The following PLXNA4 variants were observed in gnomAD, a reference collection of about 807,000 sequenced individuals.
PLXNA4 encodes the protein plexin-A4.
Under a neutral mutation model 191.8 loss-of-function variants are expected in PLXNA4, and 44 were observed. That is an observed-to-expected ratio of 0.23 (90% confidence interval 0.18 to 0.29). PLXNA4 has a LOEUF of 0.29. PLXNA4 is among the 10% of genes least tolerant of loss of function. PLXNA4 has a pLI of 1.00. For synonymous variants in PLXNA4, 1,082 were observed against 1,009.5 expected (o/e 1.07, Z -1.36); for missense variants, 1,800 against 2,488.8 (o/e 0.72, Z 5.89).
chr7:132,576,687 A>C, upstream of PLXNA4: 1 of 747,606 alleles, frequency 1.3e-6, no homozygotes, highest in Non-Finnish European at 1.6e-6. This position sits in a 1 kb window ranked among gnomAD's most constrained non-coding sequence, Gnocchi z 5.8. Flanking sequence ...TGTCCAACAA[A>C]AAGGTCGGAA....
intron 3 of PLXNA4, among the ~76,000 whole-genome samples, chr7:132,318,166 G>T (rs893037125): frequency 2.0e-5 from 3 of 152,178 alleles, no homozygotes; most frequent in Non-Finnish European, 4.4e-5. Flanking sequence ...GGAGAGGGCA[G>T]GGGTAGCATC....
intron 29 of PLXNA4, 105 bp downstream of exon 29, chr7:132,145,014 G>T: frequency 6.5e-7 from 1 of 1,534,352 alleles, no homozygotes. Flanking sequence ...ATGAAAACAG[G>T]CTCTGGCCAG....
At position 132,158,149 on chromosome 7, in the gene PLXNA4, C is replaced by T. The variant is rs185917602; in HGVS notation, c.4660+1324G>A. 2.6e-5 allele frequency among the ~76,000 whole-genome samples: 4 copies of T among 152,268 alleles called. 1 individual carries two copies. Among genetic ancestry groups the T allele is most frequent in the Admixed American group, 2.6e-4 (4 of 15,294 alleles). On this transcript the variant is annotated intron_variant, in intron 25 of 31. Transcript: ENST00000321063. ...AGAGCACAGGGCCAAACACCTTCAG[C>T]CAAGAGCCAAGAGAGAGGAAATGGG...
In PLXNA4 at chr7:132,298,139, C is replaced by T. The variant is rs752011100; in HGVS notation, c.1455G>A (p.Met485Ile). The T allele has an allele frequency of 6.2e-7, 1 of 1,614,196 alleles. No individual in the cohort carries two copies. Among genetic ancestry groups the T allele is most frequent in the Non-Finnish European group, 8.5e-7 (1 of 1,180,030 alleles). The change falls in exon 4 of 32, where the codon ATG becomes ATA. Residue 485 changes from methionine (M) to isoleucine (I), a missense_variant. Around this residue, in one of 6 missense-constraint regions of PLXNA4, gnomAD observed 1,397 missense variants for 1,880.4 expected, o/e 0.74. Transcript: ENST00000321063. Reference protein sequence around the residue: ...VVDPGPVLRDMAFSKDHEQLY... With the variant: ...VVDPGPVLRDIAFSKDHEQLY... ...GTTGCTCGTGGTCCTTGGAGAAGGCCATATCCCGGAGGACTGGGCCGGGGT... is the reference window on the plus strand; with the variant it reads ...GTTGCTCGTGGTCCTTGGAGAAGGCTATATCCCGGAGGACTGGGCCGGGGT...
rs148489113 is a variant in PLXNA4, at chr7:132,637,224, C to T, written c.-87+8704G>A. Among the ~76,000 whole-genome samples the T allele has an allele frequency of 1.7e-3, 257 of 152,302 alleles. 1 individual carries two copies. Among genetic ancestry groups the T allele is most frequent in the Non-Finnish European group, 2.9e-3 (196 of 68,038 alleles). ...TCAGACCAGGACCACAATTTGTATGCACAATCCTTCCCCCTTTCCGTGGCT... is the reference window on the plus strand; with the variant it reads ...TCAGACCAGGACCACAATTTGTATGTACAATCCTTCCCCCTTTCCGTGGCT... On this transcript the variant is annotated intron_variant, in intron 2 of 4. Coordinates refer to the PLXNA4 transcript ENST00000378539.
At chr7:132,492,069 G>T (rs980132816) in intron 2 of PLXNA4, among the ~76,000 whole-genome samples, 9 of 152,188 alleles carry the variant, frequency 5.9e-5, no homozygotes, top group African/African-American at 2.2e-4. Context: ...AAACTGTGCT[G>T]CAGGGACCTC....
At chr7:132,132,443 T>C (rs62469691) in intron 31 of PLXNA4, among the ~76,000 whole-genome samples, 8,929 of 75,398 alleles carry the variant, frequency 0.12, 859 homozygotes, top group Admixed American at 0.19. Context: ...TTCTGTTCTG[T>C]TCTGTTCTGT....
At chr7:132,426,829 A>T (rs1795063862) in intron 3 of PLXNA4, among the ~76,000 whole-genome samples, 1 of 152,160 alleles carries the variant, frequency 6.6e-6, no homozygotes, top group Non-Finnish European at 1.5e-5. Flanking sequence ...ATAAATTCAC[A>T]TGTCGTCTCA....
chr7:132,412,020 G>T (rs953420054), intron 3 of PLXNA4, among the ~76,000 whole-genome samples: 1 of 152,010 alleles, frequency 6.6e-6, no homozygotes, highest in African/African-American at 2.4e-5. Context: ...GCCCTCAAAG[G>T]TGCCGAGTTT....
intron 3 of PLXNA4, among the ~76,000 whole-genome samples, chr7:132,429,536 A>G (rs1795182868): frequency 6.6e-6 from 1 of 152,238 alleles, no homozygotes; most frequent in African/African-American, 2.4e-5. Context: ...CTGTATTTGC[A>G]GACACTGTAA....
intron 3 of PLXNA4, among the ~76,000 whole-genome samples, chr7:132,395,912 T>C (rs1793737481): frequency 6.6e-6 from 1 of 152,136 alleles, no homozygotes; most frequent in Admixed American, 6.5e-5. Flanking sequence ...GCTTTCACTG[T>C]TTGGGGGTAT....
chr7:132,162,784 C>T (rs904539977), intron 24 of PLXNA4, among the ~76,000 whole-genome samples: 3 of 152,082 alleles, frequency 2.0e-5, no homozygotes, highest in Non-Finnish European at 2.9e-5. Context: ...TCTGTTCAGA[C>T]GTCTACTGGG....
chr7:132,351,835 CCA>C (rs1803500978), intron 3 of PLXNA4, among the ~76,000 whole-genome samples: 1 of 151,968 alleles, frequency 6.6e-6, no homozygotes, highest in Non-Finnish European at 1.5e-5. Flanking sequence ...CTTGGTCATT[CCA>C]CAGAGTTCCA....
At chr7:132,311,828 T>C (rs1801754885) in intron 3 of PLXNA4, among the ~76,000 whole-genome samples, 1 of 152,128 alleles carries the variant, frequency 6.6e-6, no homozygotes, top group Admixed American at 6.5e-5. Flanking sequence ...AGAAAATCTG[T>C]TCCCAAAGAG....
At chr7:132,399,214 G>C (rs917419680) in intron 3 of PLXNA4, among the ~76,000 whole-genome samples, 1 of 152,094 alleles carries the variant, frequency 6.6e-6, no homozygotes, top group Non-Finnish European at 1.5e-5. Context: ...TGGGCGCAAG[G>C]GCTCAGCATC....
intron 3 of PLXNA4, among the ~76,000 whole-genome samples, chr7:132,422,476 G>C (rs1393245919): frequency 6.6e-6 from 1 of 152,206 alleles, no homozygotes; most frequent in African/African-American, 2.4e-5. Flanking sequence ...AAGTACGGCT[G>C]CCGACTTCCA....
In PLXNA4 at chr7:132,189,000, G is replaced by A. The variant is rs199740551; in HGVS notation, c.2857-1393C>T. ...AAAGGAAAGGAAAGGAAAGGAGAGA[G>A]AGAGAGAGAGAGAGAGAGAGAGAGA... On this transcript the variant is annotated intron_variant, in intron 14 of 31. Coordinates refer to ENST00000321063, the MANE Select transcript of PLXNA4 (RefSeq NM_020911.2). 6.4e-3 allele frequency among the ~76,000 whole-genome samples: 94 copies of A among 14,736 alleles called. 8 individuals carry two copies. The highest frequency in any genetic ancestry group is 0.019 in the African/African-American group (55 of 2,852). 9.7% of individuals were successfully genotyped at this position (14,736 alleles called of 152,430 possible). A position where few individuals can be genotyped will look rare whatever the true frequency, so the allele number is the denominator to read the frequency against.
At chr7:132,332,816 T>C (rs1463452630) in intron 3 of PLXNA4, among the ~76,000 whole-genome samples, 2 of 149,764 alleles carry the variant, frequency 1.3e-5, no homozygotes, top group Non-Finnish European at 2.9e-5. Context: ...GCTGTGATCA[T>C]GCCACTGTAC....
At chr7:132,639,691 G>C (rs1418044118) in intron 2 of PLXNA4, among the ~76,000 whole-genome samples, 1 of 152,182 alleles carries the variant, frequency 6.6e-6, no homozygotes, top group East Asian at 1.9e-4. Flanking sequence ...CAGAACAAAG[G>C]ATTAATCTTC....
Sources: gnomAD v4.1 joint callset for allele counts (sites outside exome capture counted in the v4.1 genomes callset) on GRCh38, gnomAD v4.1.1 for gene constraint, gnomAD v4.1.1 regional missense constraint, Gnocchi (gnomAD v3.1) non-coding constraint, MANE v1.5 for transcripts, NCBI Gene and HGNC (gene_info 2026-07-23, HGNC 2026-07-21) for gene names.